ASTN2: variants seen among roughly 807,000 people sequenced by gnomAD.
ASTN2 encodes the protein astrotactin 2.
ASTN2 carries 54 observed loss-of-function variants against 139.8 expected under a neutral mutation model. The ratio of observed to expected loss-of-function variants is 0.39; its 90% CI spans 0.31 to 0.48. ASTN2 has a LOEUF of 0.48. Ranked by LOEUF, ASTN2 falls within the 20% of genes least tolerant of loss-of-function variation. ASTN2 has a pLI of 0.95. For missense variants in ASTN2, 1,565 were observed against 1,725.1 expected, an observed-to-expected ratio of 0.91 and a Z score of 1.64; for synonymous variants, 756 against 719.5, an observed-to-expected ratio of 1.05 and a Z score of -0.81.
chr9:117,065,692 T>C (rs1350795324), intron 5 of ASTN2, among the ~76,000 whole-genome samples: 1 of 152,200 alleles, frequency 6.6e-6, no homozygotes, highest in Non-Finnish European at 1.5e-5. Context: ...AGTGACCTAA[T>C]CCTTGTACTC....
intron 10 of ASTN2, among the ~76,000 whole-genome samples, chr9:116,898,832 C>T (rs565374058): frequency 6.6e-6 from 1 of 152,088 alleles, no homozygotes; most frequent in Non-Finnish European, 1.5e-5. Context: ...CCACACTTGC[C>T]TAATTTTTTT....
intron 3 of ASTN2, chr9:117,180,897 C>T: frequency 4.4e-6 from 7 of 1,590,500 alleles, no homozygotes; most frequent in Non-Finnish European, 6.0e-6. Context: ...TGCGCAGGGC[C>T]TCAATTACAT....
chr9:116,660,168 G>GCGCGCACACACA (rs139281552), intron 16 of ASTN2, among the ~76,000 whole-genome samples: 9 of 146,576 alleles, frequency 6.1e-5, no homozygotes, highest in Non-Finnish European at 1.2e-4. Flanking sequence ...TATTGCAAGC[G>GCGCGCACACACA]CACACACACA....
At chr9:117,362,773 G>A (rs1414754558) in intron 1 of ASTN2, among the ~76,000 whole-genome samples, 1 of 152,096 alleles carries the variant, frequency 6.6e-6, no homozygotes, top group Non-Finnish European at 1.5e-5. Flanking sequence ...TCCCTCCTTT[G>A]GTGTTGGCTG....
At chr9:116,949,636 G>A (rs150749525) in intron 10 of ASTN2, among the ~76,000 whole-genome samples, 14 of 152,292 alleles carry the variant, frequency 9.2e-5, no homozygotes, top group Middle Eastern at 3.4e-3. Flanking sequence ...AGGTCAAATT[G>A]TGACCAATTC....
intron 10 of ASTN2, among the ~76,000 whole-genome samples, chr9:116,916,746 T>A (rs1336460852): frequency 1.3e-5 from 2 of 152,072 alleles, no homozygotes; most frequent in African/African-American, 4.8e-5. Context: ...AGGCTGAGAT[T>A]GCTTGAGCCT....
chr9:116,931,905 G>A (rs539686370), intron 10 of ASTN2, among the ~76,000 whole-genome samples: 1 of 152,250 alleles, frequency 6.6e-6, no homozygotes, highest in East Asian at 1.9e-4. Flanking sequence ...GGGGTAGAGA[G>A]AGTAAGCATC....
At chr9:117,003,104 C>G (rs58687230) in intron 7 of ASTN2, among the ~76,000 whole-genome samples, 8,790 of 152,192 alleles carry the variant, frequency 0.058, 404 homozygotes, top group African/African-American at 0.13. Flanking sequence ...GGTAGTGTAC[C>G]TAGAACCCAG....
At chr9:116,774,183 G>GC (rs1044791783) in intron 13 of ASTN2, among the ~76,000 whole-genome samples, 1 of 152,098 alleles carries the variant, frequency 6.6e-6, no homozygotes, top group African/African-American at 2.4e-5. Context: ...AAAGACCACT[G>GC]CCCCTCCAAG....
At chr9:116,560,368 G>A (rs1028957406) in intron 19 of ASTN2, among the ~76,000 whole-genome samples, 9 of 152,084 alleles carry the variant, frequency 5.9e-5, no homozygotes, top group Admixed American at 1.3e-4. Flanking sequence ...TACCCCTTAC[G>A]GAGCATCAAG....
chr9:117,224,428 C>T (rs991520950), intron 2 of ASTN2, among the ~76,000 whole-genome samples: 5 of 151,954 alleles, frequency 3.3e-5, no homozygotes, highest in Non-Finnish European at 7.4e-5. Flanking sequence ...GTGGTGAAAC[C>T]ACTACTTCCC....
chr9:116,686,661 C>T lies in ASTN2; in HGVS notation c.2807-34868G>A, dbSNP rs1470958855. 6 of 1,544,154 alleles carry T rather than the reference C, an allele frequency of 3.9e-6. No individual in the cohort carries two copies. The Admixed American group carries it at 5.9e-5, about 15-fold the overall frequency. ...CTGGTAAGATTCCTCCACCTTCACCCGAGCAAAACTACACTTGGTTTGGGT... is the reference window on the plus strand; with the variant it reads ...CTGGTAAGATTCCTCCACCTTCACCTGAGCAAAACTACACTTGGTTTGGGT... On this transcript the variant is annotated intron_variant, in intron 16 of 22. Transcript: ENST00000313400.
chr9:117,242,004 C>CTT lies in ASTN2; in HGVS notation c.631-27264_631-27263dup, dbSNP rs10579284. Among the ~76,000 whole-genome samples the CTT allele has an allele frequency of 5.4e-4, 23 of 42,496 alleles. 1 individual carries two copies. Among genetic ancestry groups the CTT allele is most frequent in the African/African-American group, 1.9e-3 (21 of 11,166 alleles). 27.9% of individuals were successfully genotyped at this position (42,496 alleles called of 152,430 possible). A position where few individuals can be genotyped will look rare whatever the true frequency, so the allele number is the denominator to read the frequency against. The stretch of plus-strand genomic sequence containing the variant: ...ACAGTGAAAACTTTCTTTGGCAAGT[C>CTT]TTTTTTTTTTTTTTTTTTTTTTTTT... On this transcript the variant is annotated intron_variant, in intron 2 of 22. Transcript: ENST00000313400.
At chr9:117,029,474 C>T (rs1337473174) in intron 6 of ASTN2, among the ~76,000 whole-genome samples, 2 of 152,080 alleles carry the variant, frequency 1.3e-5, no homozygotes, top group African/African-American at 2.4e-5. Flanking sequence ...GCTTGGGATA[C>T]TTGTGTGCCC....
intron 19 of ASTN2, among the ~76,000 whole-genome samples, chr9:116,517,275 C>T (rs1850690707): frequency 6.6e-6 from 1 of 152,228 alleles, no homozygotes; most frequent in South Asian, 2.1e-4. Flanking sequence ...TACCCTGCTA[C>T]CTCCACTGGA....
intron 13 of ASTN2, among the ~76,000 whole-genome samples, chr9:116,755,055 G>T (rs921541085): frequency 4.6e-5 from 7 of 152,058 alleles, no homozygotes; most frequent in Admixed American, 4.6e-4. Context: ...CTGACTTTCT[G>T]CTCATGCCCC....
intron 10 of ASTN2, among the ~76,000 whole-genome samples, chr9:116,907,555 T>TGG (rs1048900891): frequency 6.6e-6 from 1 of 152,134 alleles, no homozygotes; most frequent in Admixed American, 6.5e-5. Context: ...CAAGGCTAAA[T>TGG]GGGGGCTATA....
chr9:116,566,124 T>C (rs939530283), intron 19 of ASTN2, among the ~76,000 whole-genome samples: 2 of 152,220 alleles, frequency 1.3e-5, no homozygotes, highest in African/African-American at 4.8e-5. Flanking sequence ...AAAAAAACAA[T>C]AAATGCATCT....
rs10983255 is a variant in ASTN2 at position 116,592,795 on chromosome 9, T to C, written c.3355+25529A>G. Among the ~76,000 whole-genome samples the C allele has an allele frequency of 5.2e-3, 795 of 152,206 alleles. 5 individuals are homozygous for C. Among genetic ancestry groups the C allele is most frequent in the African/African-American group, 0.018 (760 of 41,530 alleles). ...TCACAGATACAGAAACTGAGGCCCATAGATGGGAATCTCAAGATCACAAAG... is the reference window on the plus strand; with the variant it reads ...TCACAGATACAGAAACTGAGGCCCACAGATGGGAATCTCAAGATCACAAAG... On this transcript the variant is annotated intron_variant, in intron 19 of 22. Coordinates refer to ENST00000313400, the MANE Select transcript of ASTN2 (RefSeq NM_001365068.1).
Sources: gnomAD v4.1 joint callset for allele counts (sites outside exome capture counted in the v4.1 genomes callset) on GRCh38, gnomAD v4.1.1 for gene constraint, MANE v1.5 for transcripts, NCBI Gene and HGNC (gene_info 2026-07-23, HGNC 2026-07-21) for gene names.